The following HSPD1 variants were observed in gnomAD, a reference collection of about 807,000 sequenced individuals.
HSPD1 encodes heat shock protein family D (Hsp60) member 1.
HSPD1 carries 3 observed loss-of-function variants against 53.0 expected under a neutral mutation model. The observed-to-expected ratio is 0.06, with a 90% CI of 0.03 to 0.15. HSPD1 has a LOEUF of 0.15. Among genes scored for constraint, HSPD1 ranks in the 10% least tolerant of loss-of-function variants. HSPD1 has a pLI of 1.00. For missense variants in HSPD1, 431 were observed against 694.1 expected, an observed-to-expected ratio of 0.62 and a Z score of 4.26; for synonymous variants, 200 against 228.0, an observed-to-expected ratio of 0.88 and a Z score of 1.10.
chr2:197,498,344 C>T (rs1014086298), intron 2 of HSPD1, among the ~76,000 whole-genome samples: 5 of 152,214 alleles, frequency 3.3e-5, no homozygotes. Flanking sequence ...CTTCTCTCTA[C>T]ACTTGGCATG....
rs1435594321 is a variant in HSPD1, at chr2:197,497,271, T to C, written c.296A>G (p.Gln99Arg). Residue 99 changes from glutamine to arginine, a missense_variant, in exon 3 of 12, where the codon CAA becomes CGA. By Grantham distance (43) the Gln-to-Arg change is conservative. Around this residue, in one of 2 missense-constraint regions of HSPD1, gnomAD observed 386 missense variants for 657.6 expected, o/e 0.59. Coordinates refer to ENST00000388968, the MANE Select transcript of HSPD1 (RefSeq NM_002156.5). ...TTCATTTGTGTTATTGGCAACATCT[T>C]GAACAAGTTTAGCTCCAATGTTTTT... ...KYKNIGAKLV[Q>R]DVANNTNEEA... is the part of the protein sequence containing the mutation. 1 of 1,614,022 alleles carries C rather than the reference T, an allele frequency of 6.2e-7. No homozygotes were observed. The highest frequency in any genetic ancestry group is 1.7e-5 in the Admixed American group (1 of 60,012).
intron 8 of HSPD1, 137 bp from the exon 9 acceptor site, chr2:197,489,384 T>C (rs2086063835): frequency 1.1e-6 from 1 of 911,432 alleles, no homozygotes; most frequent in South Asian, 1.5e-5. Flanking sequence ...TCACTGTTAG[T>C]CCAGAACAAG....
chr2:197,487,372 C>G (rs2086039103), intron 11 of HSPD1, among the ~76,000 whole-genome samples, 174 bp from the exon 12 acceptor site: 1 of 152,028 alleles, frequency 6.6e-6, no homozygotes, highest in Non-Finnish European at 1.5e-5. Context: ...CATGATGAGA[C>G]CCCGTCTCTA....
At chr2:197,487,339 G>T in intron 11 of HSPD1, 141 bp from the exon 12 acceptor site, 1 of 741,268 alleles carries the variant, frequency 1.3e-6, no homozygotes, top group Non-Finnish European at 2.4e-6. Context: ...TTGAGGTTAG[G>T]AGTTCAAGAC....
rs149665293 is a variant in HSPD1 at position 197,493,567 on chromosome 2, G to A, written c.701-75C>T. ...CATTTAAATGAAAAGCGAAACCAAG[G>A]TTCCAATACACTTTAAAATTCACCA... On this transcript the variant is annotated intron_variant, in intron 6 of 11. Transcript: ENST00000388968. 2,413 of 1,074,744 alleles carry A rather than the reference G, an allele frequency of 2.2e-3. 6 individuals carry two copies. Among genetic ancestry groups the A allele is most frequent in the Non-Finnish European group, 2.9e-3 (2,026 of 703,984 alleles). 66.6% of individuals were successfully genotyped at this position (1,074,744 alleles called of 1,614,324 possible). A position where few individuals can be genotyped will look rare whatever the true frequency, so the allele number is the denominator to read the frequency against.
chr2:197,499,979 C>G (rs2086225244), upstream of HSPD1: 1 of 161,346 alleles, frequency 6.2e-6, no homozygotes, highest in Non-Finnish European at 1.4e-5. Flanking sequence ...ACCCTGCGCG[C>G]GAGCCCCGCC....
At chr2:197,495,035 C>G (rs1311306748) in intron 4 of HSPD1, 2 of 597,298 alleles carry the variant, frequency 3.3e-6, no homozygotes, top group Non-Finnish European at 6.0e-6. Flanking sequence ...GCACCTTTGA[C>G]AATGGCTAAG....
chr2:197,495,415 C>G, intron 3 of HSPD1, 39 bp from the exon 4 acceptor site: 1 of 1,210,414 alleles, frequency 8.3e-7, no homozygotes, highest in Non-Finnish European at 1.2e-6. Context: ...GTTTATTTCT[C>G]TCATGGCTTC....
In HSPD1 at chr2:197,499,630, GAGGCCTGGACCCGC is replaced by G. The variant is rs534485832; in HGVS notation, c.-3+138_-3+151del. Among the ~76,000 whole-genome samples, 662 of 152,230 alleles carry G rather than the reference GAGGCCTGGACCCGC, an allele frequency of 4.3e-3. 6 individuals carry two copies. Among genetic ancestry groups the G allele is most frequent in the African/African-American group, 0.015 (632 of 41,558 alleles). ...CGTGATGGAACCCGCATGGACCCGC[GAGGCCTGGACCCGC>G]AGGCCTGGGCCTGCGGTGCGGCGCG... On this transcript the variant is annotated intron_variant, in intron 1 of 11. Transcript: ENST00000388968.
At chr2:197,493,606 C>T (rs1366053778) in intron 6 of HSPD1, 114 bp from the exon 7 acceptor site, 18 of 772,868 alleles carry the variant, frequency 2.3e-5, no homozygotes, top group Non-Finnish European at 3.3e-5. Context: ...AGTTGGTTTT[C>T]CTCCTTCATT....
In HSPD1 at chr2:197,495,428, T is replaced by C. The variant is rs1326549154; in HGVS notation, c.428-52A>G. 6 of 1,148,410 alleles carry C rather than the reference T, an allele frequency of 5.2e-6. No individual in the cohort carries two copies. The East Asian group carries it at 9.4e-5, about 18-fold the overall frequency. The allele number at this position is 1,148,410 out of a possible 1,614,324, so 71.1% of individuals were successfully genotyped here. ...ATGTTTATTTCTCTCATGGCTTCTA[T>C]GTCAAGTAGAAATCTTGAGATTTGT... On this transcript the variant is annotated intron_variant, in intron 3 of 11. Coordinates refer to ENST00000388968, the MANE Select transcript of HSPD1 (RefSeq NM_002156.5).
At position 197,490,362 on chromosome 2, in the gene HSPD1, A is replaced by C; in HGVS notation, c.870-66T>G. The C allele has an allele frequency of 3.3e-6, 4 of 1,222,838 alleles. No homozygotes were observed. The Middle Eastern group carries it at 7.6e-4, about 231-fold the overall frequency. The allele number at this position is 1,222,838 out of a possible 1,614,324, so 75.7% of individuals were successfully genotyped here. On this transcript the variant is annotated intron_variant, in intron 7 of 11. Transcript: ENST00000388968. ...AATGCCTATCTGTTTAATTCCCCTC[A>C]AGCTGTTACTAGATTACTTAGGACT...
At chr2:197,493,105 A>G (rs2086114645) in intron 7 of HSPD1, among the ~76,000 whole-genome samples, 3 of 152,192 alleles carry the variant, frequency 2.0e-5, no homozygotes, top group Admixed American at 2.0e-4. Context: ...AGTCTATTCT[A>G]TGAGAAAGCT....
chr2:197,494,203 C>T lies in HSPD1; in HGVS notation c.654G>A (p.Lys218=). Residue 218 remains lysine (K), a synonymous_variant, in exon 6 of 12, where the codon AAG becomes AAA. Coordinates refer to ENST00000388968, the MANE Select transcript of HSPD1 (RefSeq NM_002156.5). ...NDELEIIEGM[K]FDRGYISPYF... ...ATGGAGAAATATAGCCTCGATCAAA[C>T]TTCATGCCTTCAATAATTTCTAATT... The T allele has an allele frequency of 1.3e-6, 2 of 1,562,734 alleles. No individual in the cohort carries two copies. The highest frequency in any genetic ancestry group is 1.8e-6 in the Non-Finnish European group (2 of 1,134,330).
rs1450737202 is a variant in HSPD1 at position 197,497,336 on chromosome 2, A to G, written c.231T>C (p.Gly77=). 6.2e-7 allele frequency: 1 copy of G among 1,612,970 alleles called. No individual in the cohort carries two copies. The highest frequency in any genetic ancestry group is 2.2e-5 in the East Asian group (1 of 44,900). The change falls in exon 3 of 12, where the codon GGT becomes GGC. Residue 77 remains glycine, a synonymous_variant. Transcript: ENST00000388968. ...AGTCAATTGACTTTGCAACAGTCAC[A>G]CCATCTTTTGTTACTTTGGGACTTC... ...SWGSPKVTKD[G]VTVAKSIDLK... is the part of the protein sequence containing the mutation.
chr2:197,486,877 A>T lies in HSPD1; in HGVS notation c.*169T>A, dbSNP rs1182266022. On this transcript the variant is annotated 3_prime_UTR_variant, in exon 12 of 12. Coordinates refer to ENST00000388968, the MANE Select transcript of HSPD1 (RefSeq NM_002156.5). ...TAGGCATGGACAATGACAGCAGTAA[A>T]CCATTATATATTTTGTCAACTGAAA... The T allele has an allele frequency of 4.9e-6, 3 of 607,306 alleles. No homozygotes were observed. Among genetic ancestry groups the T allele is most frequent in the Non-Finnish European group, 8.8e-6 (3 of 340,484 alleles). 37.6% of individuals were successfully genotyped at this position (607,306 alleles called of 1,614,324 possible).
At chr2:197,497,500 G>A (rs2106079444) in intron 2 of HSPD1, 108 bp from the exon 3 acceptor site, 1 of 1,151,410 alleles carries the variant, frequency 8.7e-7, no homozygotes, top group Non-Finnish European at 1.3e-6. Flanking sequence ...CTCAACGTAA[G>A]TTGTGTCATT....
intron 7 of HSPD1, among the ~76,000 whole-genome samples, chr2:197,492,146 G>A (rs1451206513): frequency 6.6e-6 from 1 of 152,010 alleles, no homozygotes; most frequent in Admixed American, 6.5e-5. Flanking sequence ...GACAGAGTCT[G>A]TCTCTCAAAA....
chr2:197,489,087 T>C lies in HSPD1; in HGVS notation c.1130A>G (p.Gln377Arg). The change falls in exon 9 of 12, where the codon CAG becomes CGG. Residue 377 changes from glutamine to arginine, a missense_variant. Around this residue, in one of 2 missense-constraint regions of HSPD1, gnomAD observed 386 missense variants for 657.6 expected, o/e 0.59. Transcript: ENST00000388968. ...IEKRIQEIIE[Q>R]LDVTTSEYEK... ...ATATTCACTAGTTGTGACATCTAACTGCTCAATGATTTCTTGAATACGTTT... is the reference window on the plus strand; with the variant it reads ...ATATTCACTAGTTGTGACATCTAACCGCTCAATGATTTCTTGAATACGTTT... 3 of 1,613,918 alleles carry C rather than the reference T, an allele frequency of 1.9e-6. No homozygotes were observed. Among genetic ancestry groups the C allele is most frequent in the Non-Finnish European group, 2.5e-6 (3 of 1,179,786 alleles).
Sources: gnomAD v4.1 joint callset for allele counts (sites outside exome capture counted in the v4.1 genomes callset) on GRCh38, gnomAD v4.1.1 for gene constraint, gnomAD v4.1.1 regional missense constraint, MANE v1.5 for transcripts, NCBI Gene and HGNC (gene_info 2026-07-23, HGNC 2026-07-21) for gene names.